The following PIAS2 variants were observed in gnomAD, a reference collection of about 807,000 sequenced individuals.
The protein encoded by PIAS2 is E3 SUMO-protein ligase PIAS2.
PIAS2 carries 19 observed loss-of-function variants against 69.7 expected under a neutral mutation model. The ratio of observed to expected loss-of-function variants is 0.27; its 90% CI spans 0.19 to 0.40. The LOEUF (loss-of-function observed/expected upper bound fraction) is 0.40. Ranked by LOEUF, PIAS2 falls within the 10% of genes least tolerant of loss-of-function variation. PIAS2 has a pLI of 1.00. For missense variants in PIAS2, 624 were observed against 757.0 expected (o/e 0.82, Z 2.06); for synonymous variants, 261 against 263.2 (o/e 0.99, Z 0.08).
intron 1 of PIAS2, among the ~76,000 whole-genome samples, chr18:46,902,493 C>T (rs191159275): frequency 8.4e-4 from 128 of 151,794 alleles, no homozygotes; most frequent in African/African-American, 2.5e-3. Context: ...CCGGGAGGCA[C>T]AGGTTGCAGC....
At position 46,917,411 on chromosome 18, in the gene PIAS2, T is replaced by TGCCGCCACCACGGCC. The variant is rs1555813731; in HGVS notation, c.-81_-67dup. The TGCCGCCACCACGGCC allele has an allele frequency of 7.2e-7, 1 of 1,391,742 alleles. No homozygotes were observed. The highest frequency in any genetic ancestry group is 1.5e-5 in the African/African-American group (1 of 64,634). The allele number at this position is 1,391,742 out of a possible 1,614,324, so 86.2% of individuals were successfully genotyped here. ...CCACTCCCGCTGCCGCCAACGACGCTGCCGCCACCACGGCCGCCGCCGCCT... is the reference window on the plus strand; with the variant it reads ...CCACTCCCGCTGCCGCCAACGACGCTGCCGCCACCACGGCCGCCGCCACCACGGCCGCCGCCGCCT... On this transcript the variant is annotated 5_prime_UTR_variant, in exon 1 of 14. Transcript: ENST00000585916.
intron 2 of PIAS2, among the ~76,000 whole-genome samples, chr18:46,871,926 T>A (rs892049776): frequency 2.6e-5 from 4 of 152,122 alleles, no homozygotes; most frequent in Non-Finnish European, 4.4e-5. Context: ...CCACTGCAAA[T>A]GAAAAATATA....
intron 6 of PIAS2, among the ~76,000 whole-genome samples, chr18:46,845,407 C>T (rs1473155749): frequency 1.3e-5 from 2 of 152,122 alleles, no homozygotes; most frequent in African/African-American, 4.8e-5. Context: ...CAGCTTTCTT[C>T]TGAGGAAAGC....
chr18:46,902,184 A>G (rs1196843598), intron 1 of PIAS2, among the ~76,000 whole-genome samples: 1 of 152,044 alleles, frequency 6.6e-6, no homozygotes, highest in Non-Finnish European at 1.5e-5. Flanking sequence ...ATTAAAATAC[A>G]TATGTAAAAA....
intron 13 of PIAS2, among the ~76,000 whole-genome samples, chr18:46,813,470 C>T (rs2041187473): frequency 6.6e-6 from 1 of 152,084 alleles, no homozygotes; most frequent in African/African-American, 2.4e-5. Context: ...ATGTGAGAAA[C>T]GACTGCACTG....
chr18:46,851,202 T>G (rs142273225), intron 5 of PIAS2, among the ~76,000 whole-genome samples: 1 of 152,304 alleles, frequency 6.6e-6, no homozygotes, highest in Non-Finnish European at 1.5e-5. Context: ...ATACAATTTA[T>G]AAGGAGAAGG....
At chr18:46,865,280 G>A (rs1031685647) in intron 2 of PIAS2, among the ~76,000 whole-genome samples, 1 of 151,996 alleles carries the variant, frequency 6.6e-6, no homozygotes, top group Non-Finnish European at 1.5e-5. Context: ...TGGCTCACAC[G>A]TGTAATCCCA....
intron 2 of PIAS2, among the ~76,000 whole-genome samples, chr18:46,866,367 T>C (rs56745005): frequency 0.014 from 2,186 of 152,244 alleles, 50 homozygotes; most frequent in African/African-American, 0.049. Context: ...CGAAGCAATA[T>C]AGGCCAGAAG....
chr18:46,830,883 C>T (rs988522894), intron 9 of PIAS2, among the ~76,000 whole-genome samples: 17 of 152,112 alleles, frequency 1.1e-4, no homozygotes, highest in African/African-American at 4.1e-4. Flanking sequence ...ACCAGGCAGG[C>T]ATTGCAACAA....
chr18:46,858,114 A>T (rs2048107175), intron 3 of PIAS2, among the ~76,000 whole-genome samples: 1 of 152,178 alleles, frequency 6.6e-6, no homozygotes, highest in African/African-American at 2.4e-5. Flanking sequence ...CAGAGAAAAA[A>T]GGCGGCAAAG....
At chr18:46,903,862 T>C (rs2056231498) in intron 1 of PIAS2, among the ~76,000 whole-genome samples, 1 of 152,214 alleles carries the variant, frequency 6.6e-6, no homozygotes, top group South Asian at 2.1e-4. Context: ...AGTGAATTCA[T>C]ATCGTGGAAA....
intron 2 of PIAS2, among the ~76,000 whole-genome samples, chr18:46,874,839 C>T (rs1470067390): frequency 1.3e-5 from 2 of 152,238 alleles, no homozygotes; most frequent in African/African-American, 2.4e-5. Context: ...CTAGGGATCA[C>T]GTTCTCATCA....
chr18:46,851,576 A>G (rs2046974485), intron 5 of PIAS2, among the ~76,000 whole-genome samples: 1 of 152,180 alleles, frequency 6.6e-6, no homozygotes, highest in South Asian at 2.1e-4. Flanking sequence ...TCCACACTGC[A>G]TGTCACCATC....
chr18:46,828,176 CAAAT>C (rs1162621308), intron 10 of PIAS2, 46 bp from the exon 11 acceptor site: 20 of 1,507,822 alleles, frequency 1.3e-5, no homozygotes, highest in Non-Finnish European at 1.8e-5. Context: ...AGGTATAACA[CAAAT>C]AAACTCTAGT....
At chr18:46,842,475 G>A (rs1568465686) in intron 8 of PIAS2, among the ~76,000 whole-genome samples, 1 of 152,044 alleles carries the variant, frequency 6.6e-6, no homozygotes, top group Non-Finnish European at 1.5e-5. Flanking sequence ...ACAATAGTTT[G>A]ACATCTAAAA....
intron 9 of PIAS2, 88 bp from the exon 10 acceptor site, chr18:46,829,955 A>G: frequency 8.5e-7 from 1 of 1,177,228 alleles, no homozygotes; most frequent in Non-Finnish European, 1.2e-6. Flanking sequence ...CCTTGAAAAC[A>G]TAAGTAATGT....
rs139040184 is a variant in PIAS2, at chr18:46,803,829, T to C, written c.*8604A>G. 1.6e-4 allele frequency: 25 copies of C among 152,302 alleles called. No individual in the cohort carries two copies. The highest frequency in any genetic ancestry group is 5.3e-4 in the African/African-American group (22 of 41,544). 9.4% of individuals were successfully genotyped at this position (152,302 alleles called of 1,614,324 possible). A position where few individuals can be genotyped will look rare whatever the true frequency, so the allele number is the denominator to read the frequency against. On this transcript the variant is annotated 3_prime_UTR_variant, in exon 14 of 14. Coordinates refer to ENST00000585916, the MANE Select transcript of PIAS2 (RefSeq NM_004671.5). The stretch of plus-strand genomic sequence containing the variant: ...ACAGTAGGGTGGGTCTACAAGGAGT[T>C]GCTTACACTTCCAGGTTTAATACAC...
intron 3 of PIAS2, among the ~76,000 whole-genome samples, chr18:46,861,682 C>T (rs1568576950): frequency 6.6e-6 from 1 of 152,028 alleles, no homozygotes; most frequent in Non-Finnish European, 1.5e-5. Context: ...TCAGCCGTAC[C>T]CCCAAATCAG....
intron 12 of PIAS2, chr18:46,818,427 T>C (rs1448261954): frequency 6.3e-7 from 1 of 1,576,748 alleles, no homozygotes; most frequent in Non-Finnish European, 8.6e-7. Flanking sequence ...TCATTATTAA[T>C]ATCATTTCTT....
Sources: gnomAD v4.1 joint callset for allele counts (sites outside exome capture counted in the v4.1 genomes callset) on GRCh38, gnomAD v4.1.1 for gene constraint, MANE v1.5 for transcripts, NCBI Gene and HGNC (gene_info 2026-07-23, HGNC 2026-07-21) for gene names.